The following TMEM117 variants were observed in gnomAD, a reference collection of about 807,000 sequenced individuals.
TMEM117 encodes transmembrane protein 117.
In TMEM117, 27 loss-of-function variants were observed where a neutral mutation model predicts 52.4. The ratio of observed to expected loss-of-function variants is 0.51; its 90% CI spans 0.38 to 0.71. TMEM117 has a LOEUF of 0.71. Ranked by LOEUF, TMEM117 falls within the 30% of genes least tolerant of loss-of-function variation. TMEM117 has a pLI of 0.00. For synonymous variants in TMEM117, 215 were observed against 206.3 expected, an observed-to-expected ratio of 1.04 and a Z score of -0.36; for missense variants, 556 against 630.5, an observed-to-expected ratio of 0.88 and a Z score of 1.26.
chr12:44,375,129 C>T (rs17094557), intron 6 of TMEM117, among the ~76,000 whole-genome samples: 2,821 of 152,242 alleles, frequency 0.019, 95 homozygotes, highest in African/African-American at 0.064. Context: ...CAATAGTTCA[C>T]ATGTGTTATC....
At chr12:44,075,356 G>A (rs902771256) in intron 3 of TMEM117, among the ~76,000 whole-genome samples, 4 of 152,210 alleles carry the variant, frequency 2.6e-5, no homozygotes, top group Non-Finnish European at 5.9e-5. Context: ...TTTGTGCAGA[G>A]TTGGCTTCAT....
intron 6 of TMEM117, among the ~76,000 whole-genome samples, chr12:44,342,561 T>C (rs1951431556): frequency 6.6e-6 from 1 of 151,772 alleles, no homozygotes; most frequent in African/African-American, 2.4e-5. Context: ...CCTGCAACAA[T>C]TTGCATATGT....
chr12:44,184,633 C>CT (rs1443065620), intron 4 of TMEM117, among the ~76,000 whole-genome samples: 3 of 152,138 alleles, frequency 2.0e-5, no homozygotes, highest in African/African-American at 7.2e-5. Context: ...GACCTCAGTC[C>CT]TACAGCTGCA....
intron 3 of TMEM117, among the ~76,000 whole-genome samples, chr12:43,982,720 G>A (rs991863775): frequency 1.3e-5 from 2 of 152,122 alleles, no homozygotes; most frequent in African/African-American, 4.8e-5. Flanking sequence ...TCTCTCCTGG[G>A]AGATAAACTG....
At chr12:43,940,874 A>G (rs1324385132) in intron 2 of TMEM117, among the ~76,000 whole-genome samples, 1 of 152,118 alleles carries the variant, frequency 6.6e-6, no homozygotes, top group Non-Finnish European at 1.5e-5. Flanking sequence ...ATGCTTTTAT[A>G]TCATTAATCT....
Position 44,370,505 on chromosome 12 carries a change from C to CTTTTTTTTTTTTTT in TMEM117, c.769-6082_769-6069dup, listed in dbSNP as rs947989035. Among the ~76,000 whole-genome samples the CTTTTTTTTTTTTTT allele has an allele frequency of 4.2e-5, 5 of 120,426 alleles. 1 individual carries two copies. Among genetic ancestry groups the CTTTTTTTTTTTTTT allele is most frequent in the African/African-American group, 1.3e-4 (4 of 30,058 alleles). The allele number at this position is 120,426 out of a possible 152,430, so 79.0% of individuals were successfully genotyped here. ...CCATTTATGTGAAACCACAGAGATT[C>CTTTTTTTTTTTTTT]TTTTTTTTTTTTTTTTTTTTTGAGA... On this transcript the variant is annotated intron_variant, in intron 6 of 7. Coordinates refer to ENST00000266534, the MANE Select transcript of TMEM117 (RefSeq NM_032256.3).
intron 4 of TMEM117, among the ~76,000 whole-genome samples, chr12:44,204,867 C>T (rs1444708932): frequency 2.6e-5 from 4 of 151,992 alleles, no homozygotes; most frequent in African/African-American, 7.3e-5. Flanking sequence ...AGAATGGAAC[C>T]GGCCCCTTCC....
chr12:44,153,842 G>A (rs1038772972), intron 4 of TMEM117, among the ~76,000 whole-genome samples: 6 of 151,964 alleles, frequency 3.9e-5, no homozygotes, highest in Non-Finnish European at 7.4e-5. Flanking sequence ...TAGCAATGAA[G>A]TATCTTGTAT....
At chr12:43,921,282 TCAAA>T (rs1372218401) in intron 2 of TMEM117, among the ~76,000 whole-genome samples, 2 of 152,212 alleles carry the variant, frequency 1.3e-5, no homozygotes, top group African/African-American at 4.8e-5. Flanking sequence ...ATGCATATAC[TCAAA>T]CAGAGAGTCA....
At chr12:44,329,182 G>A (rs1951235155) in intron 6 of TMEM117, among the ~76,000 whole-genome samples, 1 of 152,078 alleles carries the variant, frequency 6.6e-6, no homozygotes, top group Non-Finnish European at 1.5e-5. Context: ...TACATAGGAA[G>A]AATGTAAGGG....
chr12:43,806,150 C>T, the TMEM117 span: 6 of 1,532,820 alleles, frequency 3.9e-6, no homozygotes, highest in South Asian at 1.2e-5. Context: ...CCCTGCCGGT[C>T]CTGCAGCCCT....
At chr12:44,218,533 C>T (rs116783134) in intron 5 of TMEM117, among the ~76,000 whole-genome samples, 85 of 152,262 alleles carry the variant, frequency 5.6e-4, no homozygotes, top group African/African-American at 2.0e-3. Flanking sequence ...ACATCATACT[C>T]AGTGGTAAAA....
chr12:43,875,867 T>C (rs1012337037), intron 2 of TMEM117, among the ~76,000 whole-genome samples: 5 of 152,160 alleles, frequency 3.3e-5, no homozygotes, highest in South Asian at 2.1e-4. Context: ...CGTTTTTTTT[T>C]CCCCTGGGAT....
At chr12:44,279,174 A>G (rs1950549507) in intron 5 of TMEM117, among the ~76,000 whole-genome samples, 2 of 152,230 alleles carry the variant, frequency 1.3e-5, no homozygotes. Flanking sequence ...TATGACTGAG[A>G]AATATGTTTC....
At chr12:43,961,486 G>T (rs752562060) in intron 3 of TMEM117, among the ~76,000 whole-genome samples, 1 of 152,078 alleles carries the variant, frequency 6.6e-6, no homozygotes, top group Non-Finnish European at 1.5e-5. Flanking sequence ...AGTGAAATTA[G>T]CCCATGGAAT....
At chr12:43,993,344 C>CATA (rs1945973831) in intron 3 of TMEM117, among the ~76,000 whole-genome samples, 1 of 152,198 alleles carries the variant, frequency 6.6e-6, no homozygotes, top group African/African-American at 2.4e-5. Context: ...GTGCCTGGCA[C>CATA]ATAATGGATG....
At chr12:44,079,324 C>A (rs533489516) in intron 3 of TMEM117, among the ~76,000 whole-genome samples, 143 of 152,296 alleles carry the variant, frequency 9.4e-4, no homozygotes, top group Non-Finnish European at 1.6e-3. Context: ...TTTACACTCC[C>A]ACCAACAGTA....
chr12:44,268,526 T>C (rs1169807513), intron 5 of TMEM117, among the ~76,000 whole-genome samples: 1 of 152,106 alleles, frequency 6.6e-6, no homozygotes, highest in Non-Finnish European at 1.5e-5. Flanking sequence ...GTTTATCATA[T>C]ATAGAAGAGT....
intron 6 of TMEM117, among the ~76,000 whole-genome samples, chr12:44,317,007 T>TC (rs1440621856): frequency 1.3e-5 from 2 of 148,828 alleles, no homozygotes; most frequent in African/African-American, 4.9e-5. Context: ...TTTTTCTTTT[T>TC]TTTTTTTTTT....
Sources: gnomAD v4.1 joint callset for allele counts (sites outside exome capture counted in the v4.1 genomes callset) on GRCh38, gnomAD v4.1.1 for gene constraint, MANE v1.5 for transcripts, NCBI Gene and HGNC (gene_info 2026-07-23, HGNC 2026-07-21) for gene names.